Variants in DCC observed in about 807,000 individuals in gnomAD.
The protein encoded by DCC is DCC netrin 1 receptor, also known as netrin receptor DCC.
Under a neutral mutation model 172.5 loss-of-function variants are expected in DCC, and 58 were observed. That is an observed-to-expected ratio of 0.34 (90% CI 0.27 to 0.42). The LOEUF (loss-of-function observed/expected upper bound fraction) is 0.42, where lower values mean the gene tolerates loss of function less well. Among genes scored for constraint, DCC ranks in the 10% least tolerant of loss-of-function variants. The pLI, the probability that DCC is intolerant of heterozygous loss-of-function variation, is 1.00. For synonymous variants in DCC, 709 were observed against 644.5 expected, an observed-to-expected ratio of 1.10 and a Z score of -1.52; for missense variants, 1,740 against 1,791.0, an observed-to-expected ratio of 0.97 and a Z score of 0.51.
At chr18:53,488,199 A>G (rs2045923282) in intron 26 of DCC, among the ~76,000 whole-genome samples, 1 of 152,222 alleles carries the variant, frequency 6.6e-6, no homozygotes, top group Admixed American at 6.5e-5. Context: ...AGCCTGGCCA[A>G]TATGGTGAAA....
At chr18:53,425,652 G>A (rs1016477089) in intron 21 of DCC, among the ~76,000 whole-genome samples, 1 of 151,978 alleles carries the variant, frequency 6.6e-6, no homozygotes, top group African/African-American at 2.4e-5. Flanking sequence ...ATGAGCCACT[G>A]CTCCTGGCCC....
At chr18:53,301,000 T>TTTCTTTCTTTCTTTCTTTCCTTTC (rs1413588962) in intron 12 of DCC, among the ~76,000 whole-genome samples, 2 of 102,980 alleles carry the variant, frequency 1.9e-5, no homozygotes, top group African/African-American at 3.6e-5. Flanking sequence ...TTTTTTTTTC[T>TTTCTTTCTTTCTTTCTTTCCTTTC]TTTCTTTCTT....
At chr18:52,845,896 C>A (rs1192075041) in intron 2 of DCC, among the ~76,000 whole-genome samples, 1 of 151,464 alleles carries the variant, frequency 6.6e-6, no homozygotes, top group Non-Finnish European at 1.5e-5. Flanking sequence ...GGGGAAAGTC[C>A]CTCCTTAGAG....
chr18:52,432,080 T>G (rs1251244759), intron 1 of DCC, among the ~76,000 whole-genome samples: 1 of 152,190 alleles, frequency 6.6e-6, no homozygotes, highest in Non-Finnish European at 1.5e-5. Flanking sequence ...CTTTCCCTGA[T>G]GGCTTTTATA....
At chr18:53,420,238 C>G (rs1910568488) in intron 21 of DCC, among the ~76,000 whole-genome samples, 1 of 152,178 alleles carries the variant, frequency 6.6e-6, no homozygotes, top group Non-Finnish European at 1.5e-5. Context: ...CGACGTATAG[C>G]TATAAAGTTG....
chr18:53,061,272 T>C lies in DCC; in HGVS notation c.986-2033T>C, dbSNP rs533824236. 4.6e-5 allele frequency among the ~76,000 whole-genome samples: 7 copies of C among 152,190 alleles called. No individual in the cohort carries two copies. In the East Asian group the frequency reaches 7.7e-4, roughly 17 times the overall value. ...CTCTTCTTCAATATAAATTTGGTGT[T>C]CTCTTCTCTCCCTTTCTCTTCTCCC... On this transcript the variant is annotated intron_variant, in intron 5 of 28. Transcript: ENST00000442544.
chr18:53,393,813 G>C (rs937174362), intron 17 of DCC, among the ~76,000 whole-genome samples: 2 of 151,966 alleles, frequency 1.3e-5, no homozygotes, highest in African/African-American at 4.8e-5. Context: ...GTGCCTGTGA[G>C]GTGAGACTCA....
At chr18:52,474,432 C>T (rs1333836144) in intron 1 of DCC, among the ~76,000 whole-genome samples, 3 of 152,178 alleles carry the variant, frequency 2.0e-5, no homozygotes, top group Non-Finnish European at 2.9e-5. Flanking sequence ...CCTCTGCCTT[C>T]TCCAAGTCCC....
chr18:53,512,034 A>T (rs1000717877), intron 27 of DCC, among the ~76,000 whole-genome samples: 40 of 152,294 alleles, frequency 2.6e-4, no homozygotes, highest in Non-Finnish European at 5.6e-4. Flanking sequence ...AAAAGACAGC[A>T]GTAACCTCTG....
intron 22 of DCC, among the ~76,000 whole-genome samples, chr18:53,448,965 T>C (rs894396545): frequency 2.0e-5 from 3 of 152,248 alleles, no homozygotes; most frequent in African/African-American, 4.8e-5. Context: ...AATTTTATTA[T>C]AAGCACCTCC....
chr18:52,614,259 G>C (rs1598958555), intron 1 of DCC, among the ~76,000 whole-genome samples: 1 of 152,302 alleles, frequency 6.6e-6, no homozygotes, highest in Non-Finnish European at 1.5e-5. Flanking sequence ...GTAAGTTACT[G>C]ATATTATAGG....
At chr18:52,807,860 A>G (rs760570537) in intron 2 of DCC, among the ~76,000 whole-genome samples, 2 of 152,030 alleles carry the variant, frequency 1.3e-5, no homozygotes, top group African/African-American at 2.4e-5. Context: ...GGGATCATCC[A>G]ATCATACACC....
At chr18:53,127,939 A>G (rs1298660011) in intron 7 of DCC, among the ~76,000 whole-genome samples, 2 of 152,134 alleles carry the variant, frequency 1.3e-5, no homozygotes, top group African/African-American at 2.4e-5. Context: ...GAAGTATCAA[A>G]ATGTCTCATA....
intron 1 of DCC, among the ~76,000 whole-genome samples, chr18:52,581,013 G>T (rs1223418011): frequency 1.3e-5 from 2 of 152,112 alleles, no homozygotes; most frequent in East Asian, 1.9e-4. Flanking sequence ...CCACTGATCT[G>T]CTCTTCTTTC....
At chr18:53,468,604 A>G (rs1180649114) in intron 25 of DCC, among the ~76,000 whole-genome samples, 1 of 152,018 alleles carries the variant, frequency 6.6e-6, no homozygotes, top group Non-Finnish European at 1.5e-5. Context: ...GCTGGTCTCT[A>G]GCTCCTGACC....
rs901790141 is a variant in DCC at position 53,168,244 on chromosome 18, A to C, written c.1419-10718A>C. On this transcript the variant is annotated intron_variant, in intron 8 of 28. Coordinates refer to ENST00000442544, the MANE Select transcript of DCC (RefSeq NM_005215.4). Reference sequence around the variant, plus strand: ...TACCCAAAGGATTATAAATCATTCTACTATAAAGACACATGCACACGTGTG... The same window carrying C: ...TACCCAAAGGATTATAAATCATTCTCCTATAAAGACACATGCACACGTGTG... 2.0e-5 allele frequency among the ~76,000 whole-genome samples: 3 copies of C among 152,204 alleles called. No homozygotes were observed. The East Asian group carries it at 5.8e-4, about 30-fold the overall frequency.
chr18:53,118,138 T>C (rs2043433288), intron 7 of DCC, among the ~76,000 whole-genome samples: 1 of 151,742 alleles, frequency 6.6e-6, no homozygotes, highest in South Asian at 2.1e-4. Flanking sequence ...AGAACCATAT[T>C]ATGTGTGTTA....
At chr18:52,373,202 C>A (rs369257570) in intron 1 of DCC, among the ~76,000 whole-genome samples, 27 of 152,074 alleles carry the variant, frequency 1.8e-4, no homozygotes, top group Non-Finnish European at 3.4e-4. Flanking sequence ...AAACTAATGG[C>A]CATACAGTTT....
intron 1 of DCC, among the ~76,000 whole-genome samples, chr18:52,646,792 G>A (rs1279692557): frequency 1.1e-4 from 16 of 152,176 alleles, no homozygotes; most frequent in Admixed American, 9.2e-4. Context: ...TAACCAGGAT[G>A]CTCATCAAAC....
Sources: gnomAD v4.1 joint callset for allele counts (sites outside exome capture counted in the v4.1 genomes callset) on GRCh38, gnomAD v4.1.1 for gene constraint, MANE v1.5 for transcripts, NCBI Gene and HGNC (gene_info 2026-07-23, HGNC 2026-07-21) for gene names.